The following PPP1R14C variants were observed in gnomAD, a reference collection of about 807,000 sequenced individuals.
PPP1R14C encodes protein phosphatase 1 regulatory subunit 14C.
Under a neutral mutation model 20.4 loss-of-function variants are expected in PPP1R14C, and 16 were observed. The observed-to-expected ratio is 0.78, with a 90% CI of 0.53 to 1.19. The LOEUF is 1.19. PPP1R14C is among the 50% of genes most tolerant of loss of function. The pLI is 0.00. For missense variants in PPP1R14C, 211 were observed against 220.1 expected, an observed-to-expected ratio of 0.96 and a Z score of 0.26; for synonymous variants, 91 against 91.0, an observed-to-expected ratio of 1.00 and a Z score of 0.00.
intron 1 of PPP1R14C, among the ~76,000 whole-genome samples, chr6:150,148,281 A>G (rs1445480927): frequency 2.6e-5 from 4 of 151,864 alleles, no homozygotes; most frequent in Admixed American, 2.6e-4. Context: ...AGGTGGAATC[A>G]GGCACAGGGA....
At chr6:150,215,076 A>G (rs550669189) in intron 2 of PPP1R14C, among the ~76,000 whole-genome samples, 2 of 152,214 alleles carry the variant, frequency 1.3e-5, no homozygotes, top group East Asian at 3.9e-4. Flanking sequence ...CTCCAGCCCC[A>G]TTTTCTTGGG....
chr6:150,193,144 C>G (rs9383717), intron 1 of PPP1R14C, among the ~76,000 whole-genome samples: 6,702 of 152,090 alleles, frequency 0.044, 313 homozygotes, highest in East Asian at 0.12. Context: ...GAAGCTTAGA[C>G]GTTACCAAGA....
At chr6:150,230,218 A>G (rs1254002983) in intron 3 of PPP1R14C, among the ~76,000 whole-genome samples, 1 of 152,140 alleles carries the variant, frequency 6.6e-6, no homozygotes, top group East Asian at 1.9e-4. Context: ...GCATCTGGAA[A>G]TTCTTCCCTT....
At chr6:150,234,063 G>T (rs1778324533) in intron 3 of PPP1R14C, among the ~76,000 whole-genome samples, 2 of 152,168 alleles carry the variant, frequency 1.3e-5, no homozygotes. Context: ...GTGGCTCTGT[G>T]GGGGAGTCTA....
intron 1 of PPP1R14C, among the ~76,000 whole-genome samples, chr6:150,157,848 C>A (rs1323022270): frequency 6.6e-6 from 1 of 152,180 alleles, no homozygotes; most frequent in Non-Finnish European, 1.5e-5. Context: ...TCTCTGTGAC[C>A]CAAGCTCTTC....
Position 150,143,100 on chromosome 6 carries a change from G to C in PPP1R14C, c.-93G>C. 1.7e-6 allele frequency: 2 copies of C among 1,143,518 alleles called. No homozygotes were observed. The highest frequency in any genetic ancestry group is 1.1e-6 in the Non-Finnish European group (1 of 935,732). The allele number at this position is 1,143,518 out of a possible 1,614,324, so 70.8% of individuals were successfully genotyped here. On this transcript the variant is annotated 5_prime_UTR_variant, in exon 1 of 4. Transcript: ENST00000361131. This position sits in a 1 kb window ranked among gnomAD's most constrained non-coding sequence, Gnocchi z 5.6. ...CAGAGCAGGTGCCGGGGAGCCCTTC[G>C]CATGCGGCTGCCGGGCCGGAGGTGG...
chr6:150,161,495 C>T (rs539276401), intron 1 of PPP1R14C, among the ~76,000 whole-genome samples: 2 of 152,308 alleles, frequency 1.3e-5, no homozygotes, highest in South Asian at 2.1e-4. Context: ...TTGATGTCTT[C>T]GATTCTAATC....
chr6:150,196,114 G>A (rs1409561732), intron 1 of PPP1R14C: 2 of 985,356 alleles, frequency 2.0e-6, no homozygotes, highest in Non-Finnish European at 2.4e-6. Flanking sequence ...CATCAATGGG[G>A]CCTTCCAAAG....
intron 1 of PPP1R14C, among the ~76,000 whole-genome samples, chr6:150,168,744 A>C (rs572989586): frequency 6.6e-6 from 1 of 152,314 alleles, no homozygotes; most frequent in South Asian, 2.1e-4. Context: ...AAATAATCAG[A>C]AAGTCATGTT....
chr6:150,149,455 C>CTTTTTTTTTTTTTTTTTTTTTTT (rs869244401), intron 1 of PPP1R14C, among the ~76,000 whole-genome samples: 1 of 35,482 alleles, frequency 2.8e-5, no homozygotes. Flanking sequence ...TTTTTTTTTT[C>CTTTTTTTTTTTTTTTTTTTTTTT]TTTTTTTTTT....
At chr6:150,161,933 T>C (rs1457394124) in intron 1 of PPP1R14C, among the ~76,000 whole-genome samples, 1 of 152,264 alleles carries the variant, frequency 6.6e-6, no homozygotes, top group Non-Finnish European at 1.5e-5. Context: ...GTCAGTCCTA[T>C]GGACTTTAAC....
intron 1 of PPP1R14C, among the ~76,000 whole-genome samples, chr6:150,187,410 T>C (rs1777690691): frequency 6.6e-6 from 1 of 152,120 alleles, no homozygotes; most frequent in Non-Finnish European, 1.5e-5. Context: ...GGTATTAAGA[T>C]GAGCACCCAT....
At position 150,143,861 on chromosome 6, in the gene PPP1R14C, G is replaced by A. The variant is rs184970640; in HGVS notation, c.306+363G>A. Among the ~76,000 whole-genome samples, 11 of 152,362 alleles carry A rather than the reference G, an allele frequency of 7.2e-5. No homozygotes were observed. Among genetic ancestry groups the A allele is most frequent in the Admixed American group, 3.9e-4 (6 of 15,314 alleles). On this transcript the variant is annotated intron_variant, in intron 1 of 3. Transcript: ENST00000361131. This position sits in a 1 kb window ranked among gnomAD's most constrained non-coding sequence, Gnocchi z 5.6. ...AGGGGCTCACTCCAGCTGCGCCTCA[G>A]CAGCGGTTGGGGATACAGCAGCCAA...
chr6:150,188,107 C>G (rs1777698505), intron 1 of PPP1R14C, among the ~76,000 whole-genome samples: 1 of 152,144 alleles, frequency 6.6e-6, no homozygotes, highest in South Asian at 2.1e-4. Context: ...TGTTTATTAT[C>G]AGGGTTTCTT....
intron 1 of PPP1R14C, among the ~76,000 whole-genome samples, chr6:150,204,288 TAAC>T (rs1777915683): frequency 6.6e-6 from 1 of 152,264 alleles, no homozygotes; most frequent in Admixed American, 6.5e-5. Context: ...GGGGCATTGT[TAAC>T]AACCAGCTGT....
intron 1 of PPP1R14C, among the ~76,000 whole-genome samples, chr6:150,206,788 A>T (rs1046269784): frequency 6.6e-6 from 1 of 151,896 alleles, no homozygotes; most frequent in Non-Finnish European, 1.5e-5. Context: ...ATTATGTAAA[A>T]CATTCCTTCA....
chr6:150,176,357 G>A (rs1401718358), intron 1 of PPP1R14C, among the ~76,000 whole-genome samples: 1 of 152,220 alleles, frequency 6.6e-6, no homozygotes, highest in African/African-American at 2.4e-5. Context: ...GGTACAATCT[G>A]TGTCTGGCTT....
At chr6:150,228,815 A>T (rs140067698) in intron 3 of PPP1R14C, among the ~76,000 whole-genome samples, 4 of 152,192 alleles carry the variant, frequency 2.6e-5, no homozygotes, top group Non-Finnish European at 4.4e-5. Context: ...TGAGATGGTG[A>T]TGATAACAAT....
At chr6:150,174,723 GGGAGGT>G (rs1777541994) in intron 1 of PPP1R14C, among the ~76,000 whole-genome samples, 1 of 151,692 alleles carries the variant, frequency 6.6e-6, no homozygotes, top group African/African-American at 2.4e-5. Context: ...CCAGCACTTT[GGGAGGT>G]GGAGGTGGAC....
Sources: allele counts gnomAD v4.1 joint callset (sites outside exome capture counted in the v4.1 genomes callset), GRCh38; gene constraint gnomAD v4.1.1; non-coding constraint Gnocchi (gnomAD v3.1); transcripts MANE v1.5; gene names NCBI Gene and HGNC (gene_info 2026-07-23, HGNC 2026-07-21).